The following DNASE1 variants were observed in gnomAD, a reference collection of about 807,000 sequenced individuals.
The protein encoded by DNASE1 is deoxyribonuclease-1.
In DNASE1, 40 loss-of-function variants were observed where a neutral mutation model predicts 33.9. The observed-to-expected ratio is 1.18, with a 90% CI of 0.92 to 1.54. The LOEUF is 1.54. DNASE1 is among the 40% of genes most tolerant of loss of function. The pLI, the probability that DNASE1 is intolerant of heterozygous loss-of-function variation, is 0.00. For missense variants in DNASE1, 518 were observed against 372.6 expected, an observed-to-expected ratio of 1.39 and a Z score of -3.21; for synonymous variants, 216 against 160.0, an observed-to-expected ratio of 1.35 and a Z score of -2.64.
chr16:3,654,254 C>T, upstream of DNASE1: 1 of 397,930 alleles, frequency 2.5e-6, no homozygotes, highest in Non-Finnish European at 4.4e-6. Flanking sequence ...CTCAAGAAGG[C>T]TCCCCACTGC....
chr16:3,621,378 C>T (rs1234031604), intron 1 of DNASE1, among the ~76,000 whole-genome samples: 1 of 152,162 alleles, frequency 6.6e-6, no homozygotes, highest in Non-Finnish European at 1.5e-5. Context: ...ATTGCTCTTG[C>T]CTGGTTTACC....
intron 1 of DNASE1, among the ~76,000 whole-genome samples, chr16:3,614,151 A>G (rs960961721): frequency 5.3e-5 from 8 of 151,660 alleles, no homozygotes; most frequent in Admixed American, 1.3e-4. Flanking sequence ...TGACCTCGTG[A>G]TCTGCCCGCC....
exon 10 of DNASE1, chr16:3,663,525 A>T (rs899619590): frequency 3.1e-6 from 5 of 1,614,152 alleles, no homozygotes; most frequent in Non-Finnish European, 4.2e-6. Flanking sequence ...AAGGTGCAGC[A>T]GGGTGAGCTC....
At chr16:3,647,830 C>A (rs747310097) in intron 1 of DNASE1, among the ~76,000 whole-genome samples, 2 of 152,040 alleles carry the variant, frequency 1.3e-5, no homozygotes, top group East Asian at 3.9e-4. Context: ...ACAGTGAGAT[C>A]CCCACCCCAT....
intron 1 of DNASE1, among the ~76,000 whole-genome samples, chr16:3,612,777 A>G (rs945919314): frequency 6.6e-6 from 1 of 152,278 alleles, no homozygotes; most frequent in South Asian, 2.1e-4. Flanking sequence ...TTAGGAGGCT[A>G]TTACATAATC....
At chr16:3,645,891 C>T (rs2042159335) in intron 1 of DNASE1, among the ~76,000 whole-genome samples, 1 of 152,246 alleles carries the variant, frequency 6.6e-6, no homozygotes, top group African/African-American at 2.4e-5. Context: ...TGACTGCATC[C>T]TGCTCAGGTT....
At chr16:3,616,478 G>A (rs1373233400) in intron 1 of DNASE1, among the ~76,000 whole-genome samples, 2 of 152,072 alleles carry the variant, frequency 1.3e-5, no homozygotes, top group African/African-American at 4.8e-5. Flanking sequence ...AAAATTAGCC[G>A]GATGTGGTGG....
chr16:3,664,169 C>A, exon 10 of DNASE1: 1 of 1,262,110 alleles, frequency 7.9e-7, no homozygotes, highest in Non-Finnish European at 1.1e-6. Context: ...CACTGTGCAG[C>A]CCTGCCCGGA....
intron 1 of DNASE1, among the ~76,000 whole-genome samples, chr16:3,628,747 G>C (rs1379221400): frequency 6.6e-6 from 1 of 150,432 alleles, no homozygotes; most frequent in African/African-American, 2.4e-5. Context: ...TTTTAGTAGA[G>C]ACGGGGTTTC....
At chr16:3,645,621 C>A (rs921009065) in intron 1 of DNASE1, among the ~76,000 whole-genome samples, 2 of 152,214 alleles carry the variant, frequency 1.3e-5, no homozygotes, top group African/African-American at 4.8e-5. Context: ...TGCCGTGGTT[C>A]AGGCCCACAC....
chr16:3,658,366 T>TC (rs960537030), downstream of DNASE1: 71 of 686,800 alleles, frequency 1.0e-4, no homozygotes, highest in African/African-American at 7.5e-4. Context: ...CCTCAGGTGA[T>TC]CCCCCCGCCT....
At chr16:3,626,668 G>C (rs1044303718) in intron 1 of DNASE1, among the ~76,000 whole-genome samples, 10 of 152,152 alleles carry the variant, frequency 6.6e-5, no homozygotes, top group African/African-American at 2.2e-4. Context: ...TGGTGTTCAG[G>C]TTGCTGATTT....
upstream of DNASE1, chr16:3,640,991 A>G: frequency 2.5e-6 from 1 of 398,658 alleles, no homozygotes. Flanking sequence ...CAGGCCCAAC[A>G]GGGCCACTCG....
rs59621760 is a variant in DNASE1 at position 3,657,063 on chromosome 16, C to A, written c.501C>A (p.Asp167Glu). ...AAPGDAVAEI[D>E]ALYDVYLDVQ... is the part of the protein sequence containing the mutation. ...CGGGGGACGCAGTAGCCGAGATCGA[C>A]GCTCTCTATGACGTCTACCTGGATG... Residue 167 changes from aspartate (D) to glutamate (E), a missense_variant, in exon 6 of 9, where the codon GAC (aspartate) becomes GAA (glutamate). By Grantham distance (45) the Asp-to-Glu change is conservative. Coordinates refer to ENST00000246949, the MANE Select transcript of DNASE1 (RefSeq NM_005223.4). 1.2e-6 allele frequency: 2 copies of A among 1,614,072 alleles called. No individual in the cohort carries two copies. Among genetic ancestry groups the A allele is most frequent in the East Asian group, 2.2e-5 (1 of 44,890 alleles).
At chr16:3,639,015 G>A (rs551001613), upstream of DNASE1, among the ~76,000 whole-genome samples, 24 of 152,126 alleles carry the variant, frequency 1.6e-4, no homozygotes, top group African/African-American at 4.8e-4. Context: ...AATATATGCC[G>A]AACTATTGTC....
downstream of DNASE1, chr16:3,662,126 G>A: frequency 2.5e-6 from 4 of 1,611,868 alleles, no homozygotes; most frequent in Non-Finnish European, 3.4e-6. Context: ...TCCAGTCGGA[G>A]GGTCACCTGT....
intron 1 of DNASE1, among the ~76,000 whole-genome samples, chr16:3,616,471 A>G (rs1274114556): frequency 7.4e-6 from 1 of 134,320 alleles, no homozygotes; most frequent in African/African-American, 2.9e-5. Flanking sequence ...AAATATAAAA[A>G]TTAGCCGGAT....
intron 1 of DNASE1, among the ~76,000 whole-genome samples, chr16:3,633,686 C>G (rs553879740): frequency 7.2e-5 from 11 of 152,212 alleles, no homozygotes; most frequent in Non-Finnish European, 1.5e-4. Context: ...CCACTTTCAC[C>G]TGATGCTATA....
At chr16:3,645,925 G>A (rs17794125) in intron 1 of DNASE1, among the ~76,000 whole-genome samples, 7,423 of 152,290 alleles carry the variant, frequency 0.049, 229 homozygotes, top group Admixed American at 0.067. Context: ...TTAAAACACT[G>A]TCACGGCAAA....
Sources: allele counts gnomAD v4.1 joint callset (sites outside exome capture counted in the v4.1 genomes callset), GRCh38; gene constraint gnomAD v4.1.1; transcripts MANE v1.5; gene names NCBI Gene and HGNC (gene_info 2026-07-23, HGNC 2026-07-21).